CSDE1: variants seen among roughly 807,000 people sequenced by gnomAD.
The protein encoded by CSDE1 is cold shock domain-containing protein E1.
Under a neutral mutation model 89.3 loss-of-function variants are expected in CSDE1, and 17 were observed. The observed-to-expected ratio is 0.19, with a 90% CI of 0.13 to 0.29. The LOEUF is 0.29. CSDE1 is among the 10% of genes least tolerant of loss of function. The probability of loss-of-function intolerance (pLI) is 1.00; values close to 1 mark genes in which losing one functional copy is unlikely to be tolerated. For synonymous variants in CSDE1, 322 were observed against 332.8 expected (o/e 0.97, Z 0.35); for missense variants, 672 against 984.2 (o/e 0.68, Z 4.24).
chr1:114,717,608 A>G lies in CSDE1; in HGVS notation c.*561T>C, dbSNP rs1386797888. On this transcript the variant is annotated 3_prime_UTR_variant, in exon 20 of 20. Transcript: ENST00000358528. ...GATTATAAATGATATGAAAAATAAC[A>G]TTTTAAAATTTGGCCATCAACTTTA... is the stretch of plus-strand genomic sequence containing the variant. 6.6e-6 allele frequency: 1 copy of G among 152,620 alleles called. No individual in the cohort carries two copies. The highest frequency in any genetic ancestry group is 2.4e-5 in the African/African-American group (1 of 41,454). 9.5% of individuals were successfully genotyped at this position (152,620 alleles called of 1,614,324 possible). A position where few individuals can be genotyped will look rare whatever the true frequency, so the allele number is the denominator to read the frequency against.
At chr1:114,736,530 A>C (rs1460280293) in intron 6 of CSDE1, among the ~76,000 whole-genome samples, 1 of 152,180 alleles carries the variant, frequency 6.6e-6, no homozygotes, top group Non-Finnish European at 1.5e-5. Context: ...GATCTCTAGA[A>C]CAAGTCCTTA....
chr1:114,734,251 A>G (rs1660269352), intron 7 of CSDE1, 134 bp from the exon 8 acceptor site: 2 of 1,179,604 alleles, frequency 1.7e-6, no homozygotes, highest in Non-Finnish European at 1.2e-6. Flanking sequence ...AATATTATCA[A>G]TTAAACAGCC....
chr1:114,738,661 CTTTTTTTT>C (rs752985259), intron 3 of CSDE1, among the ~76,000 whole-genome samples: 39 of 80,042 alleles, frequency 4.9e-4, no homozygotes, highest in Non-Finnish European at 6.0e-4. Flanking sequence ...CATGTAAAAA[CTTTTTTTT>C]TTTTTTTTTT....
intron 13 of CSDE1, 126 bp from the exon 14 acceptor site, chr1:114,726,512 C>T (rs1317397013): frequency 1.4e-6 from 1 of 703,274 alleles, no homozygotes; most frequent in African/African-American, 1.8e-5. Flanking sequence ...GTTATTACTT[C>T]AATGAAATTG....
intron 5 of CSDE1, 33 bp from the exon 6 acceptor site, chr1:114,736,888 G>C (rs1660433801): frequency 1.3e-6 from 2 of 1,516,242 alleles, no homozygotes. Context: ...TACTATTTTG[G>C]CAGGATGCAT....
intron 16 of CSDE1, among the ~76,000 whole-genome samples, chr1:114,723,109 A>G (rs905532992): frequency 2.0e-5 from 3 of 152,104 alleles, no homozygotes; most frequent in African/African-American, 4.8e-5. Context: ...CGCCCGCCTC[A>G]GCCTCCCAAA....
intron 16 of CSDE1, among the ~76,000 whole-genome samples, chr1:114,723,480 TA>T (rs1183987787): frequency 2.6e-5 from 4 of 152,036 alleles, no homozygotes; most frequent in African/African-American, 4.8e-5. Context: ...ATGTGTAGTG[TA>T]GGGGGGAAAA....
chr1:114,726,127 T>C (rs1031726869), intron 14 of CSDE1, 84 bp downstream of exon 14: 2 of 1,325,072 alleles, frequency 1.5e-6, no homozygotes, highest in Non-Finnish European at 2.1e-6. Context: ...ACAAGTATAA[T>C]CAATCAATAC....
intron 2 of CSDE1, among the ~76,000 whole-genome samples, chr1:114,747,897 G>A (rs565516679): frequency 6.6e-6 from 1 of 151,868 alleles, no homozygotes; most frequent in Non-Finnish European, 1.5e-5. Flanking sequence ...TTATGCTTCA[G>A]AACATAAAAT....
chr1:114,753,820 G>T lies in CSDE1; in HGVS notation c.-387-3613C>A, dbSNP rs138161911. Among the ~76,000 whole-genome samples the T allele has an allele frequency of 8.7e-3, 1,325 of 152,254 alleles. 18 individuals carry two copies. Among genetic ancestry groups the T allele is most frequent in the African/African-American group, 0.03 (1,244 of 41,560 alleles). On this transcript the variant is annotated intron_variant, in intron 1 of 19. Transcript: ENST00000358528. ...AGTCCCAGCTACTCGGGAAGCTGAG[G>T]CAGGAGGATCACTTGAATCCAGGAG...
chr1:114,744,416 C>CA (rs1384247678), intron 2 of CSDE1, among the ~76,000 whole-genome samples: 1 of 151,740 alleles, frequency 6.6e-6, no homozygotes. Context: ...CCTGTCTCTA[C>CA]AAAAAAATAC....
chr1:114,731,967 G>A (rs6700657), intron 10 of CSDE1, among the ~76,000 whole-genome samples: 30,787 of 151,838 alleles, frequency 0.2, 3,573 homozygotes, highest in Non-Finnish European at 0.25. Context: ...GGTGCCCACC[G>A]TCACACCTGG....
chr1:114,729,588 T>A (rs1457534006), intron 12 of CSDE1, among the ~76,000 whole-genome samples: 1 of 151,854 alleles, frequency 6.6e-6, no homozygotes, highest in East Asian at 1.9e-4. Flanking sequence ...ATTTTTCTCA[T>A]CTATACTTTT....
At chr1:114,734,630 T>C in intron 6 of CSDE1, 107 bp from the exon 7 acceptor site, 2 of 756,212 alleles carry the variant, frequency 2.6e-6, no homozygotes, top group Non-Finnish European at 4.4e-6. Flanking sequence ...GCTTTAAGAA[T>C]TCTATCATCA....
At chr1:114,731,726 T>C (rs1660110626) in intron 10 of CSDE1, among the ~76,000 whole-genome samples, 1 of 152,248 alleles carries the variant, frequency 6.6e-6, no homozygotes, top group Non-Finnish European at 1.5e-5. Context: ...TCTGGTTTAA[T>C]TGCAAGCTTG....
intron 3 of CSDE1, among the ~76,000 whole-genome samples, chr1:114,739,108 T>C (rs1226475762): frequency 6.6e-6 from 1 of 152,094 alleles, no homozygotes; most frequent in Non-Finnish European, 1.5e-5. Flanking sequence ...CTTGGCTTAC[T>C]GCAAGCTCCG....
intron 10 of CSDE1, 139 bp downstream of exon 10, chr1:114,732,465 T>C: frequency 2.7e-6 from 2 of 744,530 alleles, no homozygotes; most frequent in South Asian, 3.7e-5. Context: ...CAAATGTGTA[T>C]GATTCTTAAT....
intron 19 of CSDE1, 44 bp from the exon 20 acceptor site, chr1:114,718,260 G>A (rs112218640): frequency 5.7e-6 from 9 of 1,586,032 alleles, no homozygotes; most frequent in African/African-American, 4.1e-5. Flanking sequence ...AATGATTTGA[G>A]CGCACAACAA....
At position 114,737,466 on chromosome 1, in the gene CSDE1, T is replaced by A. The variant is rs369956172; in HGVS notation, c.402+5A>T. 6.2e-7 allele frequency: 1 copy of A among 1,608,328 alleles called. No individual in the cohort carries two copies. The highest frequency in any genetic ancestry group is 1.3e-5 in the African/African-American group (1 of 74,756). On this transcript the variant is annotated splice_donor_5th_base_variant and intron_variant, in intron 5 of 19. Transcript: ENST00000358528. The stretch of plus-strand genomic sequence containing the variant: ...CAAAGGTTTAAGAAAAATACACAAG[T>A]TTACCCCATTACGTTCGTAGCATAC...
Sources: gnomAD v4.1 joint callset for allele counts (sites outside exome capture counted in the v4.1 genomes callset) on GRCh38, gnomAD v4.1.1 for gene constraint, MANE v1.5 for transcripts, NCBI Gene and HGNC (gene_info 2026-07-23, HGNC 2026-07-21) for gene names.